The following QNG1 variants were observed in gnomAD, a reference collection of about 807,000 sequenced individuals.
The protein encoded by QNG1 is queuosine 5'-phosphate N-glycosylase/hydrolase.
chr9:83,953,774 T>TC, the QNG1 span: 33 of 1,545,316 alleles, frequency 2.1e-5, no homozygotes, highest in East Asian at 8.1e-4. Context: ...TCCAAAAGAA[T>TC]TTTACAAAAA....
chr9:83,946,500 G>C, the QNG1 span, among the ~76,000 whole-genome samples: 1 of 152,090 alleles, frequency 6.6e-6, no homozygotes. Flanking sequence ...GCTCAAAGTT[G>C]ATATGTAAGT....
chr9:83,949,703 AT>A, the QNG1 span, among the ~76,000 whole-genome samples: 1 of 152,074 alleles, frequency 6.6e-6, no homozygotes, highest in South Asian at 2.1e-4. Context: ...GACTTAACTT[AT>A]AAAAATGTCT....
chr9:83,955,879 C>A, the QNG1 span, among the ~76,000 whole-genome samples: 1 of 152,184 alleles, frequency 6.6e-6, no homozygotes, highest in African/African-American at 2.4e-5. Context: ...TGCTTTATAA[C>A]ATCGGTCCTT....
At chr9:83,939,361 T>G in the QNG1 span, 2 of 626,170 alleles carry the variant, frequency 3.2e-6, no homozygotes, top group Non-Finnish European at 5.6e-6. Flanking sequence ...CATAAACCAC[T>G]GTGCCCGGCC....
the QNG1 span, among the ~76,000 whole-genome samples, chr9:83,947,670 C>T: frequency 6.6e-6 from 1 of 152,160 alleles, no homozygotes; most frequent in Non-Finnish European, 1.5e-5. Flanking sequence ...CTCGCCGCCA[C>T]GCCTGACTGG....
the QNG1 span, among the ~76,000 whole-genome samples, chr9:83,943,331 C>CAAAAAAAAAAA: frequency 9.6e-5 from 6 of 62,522 alleles, no homozygotes; most frequent in African/African-American, 1.5e-4. Flanking sequence ...CAGAGCGTCT[C>CAAAAAAAAAAA]AAAAAAAAAA....
At chr9:83,944,917 C>T in the QNG1 span, 1 of 1,614,058 alleles carries the variant, frequency 6.2e-7, no homozygotes, top group Non-Finnish European at 8.5e-7. Flanking sequence ...CAGCCATCTC[C>T]TTTTCCTTCC....
chr9:83,955,739 TG>T, the QNG1 span: 2 of 1,168,658 alleles, frequency 1.7e-6, no homozygotes, highest in Non-Finnish European at 2.5e-6. Context: ...ACCAAATGAG[TG>T]GTATAGGAAT....
the QNG1 span, chr9:83,955,697 C>T: frequency 1.3e-6 from 2 of 1,519,540 alleles, no homozygotes; most frequent in Non-Finnish European, 1.8e-6. Flanking sequence ...ATGCATTAAA[C>T]CCTTGCTTTT....
At chr9:83,946,649 G>A in the QNG1 span, among the ~76,000 whole-genome samples, 1 of 152,174 alleles carries the variant, frequency 6.6e-6, no homozygotes, top group Non-Finnish European at 1.5e-5. Flanking sequence ...CAATTTGGGA[G>A]GCCAAAGCCA....
the QNG1 span, chr9:83,956,046 T>G: frequency 1.0e-6 from 1 of 976,636 alleles, no homozygotes; most frequent in Non-Finnish European, 1.5e-6. Flanking sequence ...GCAACGAACT[T>G]CAGGTTCGCT....
At chr9:83,954,510 A>G in the QNG1 span, among the ~76,000 whole-genome samples, 1 of 151,718 alleles carries the variant, frequency 6.6e-6, no homozygotes, top group Non-Finnish European at 1.5e-5. Context: ...TGAACCCGGG[A>G]GGCGGAGGTT....
chr9:83,950,737 C>T, the QNG1 span, among the ~76,000 whole-genome samples: 2 of 151,556 alleles, frequency 1.3e-5, no homozygotes, highest in Non-Finnish European at 2.9e-5. Flanking sequence ...ATAGCTGGGA[C>T]TATAGGTGTT....
At chr9:83,938,382 T>C in the QNG1 span, 1 of 152,056 alleles carries the variant, frequency 6.6e-6, no homozygotes, top group South Asian at 2.1e-4. Context: ...TAGACAGATA[T>C]CCTAAATTGA....
At chr9:83,956,647 C>A in the QNG1 span, 1 of 618,936 alleles carries the variant, frequency 1.6e-6, no homozygotes, top group Non-Finnish European at 2.6e-6. Flanking sequence ...GAACTTAGTG[C>A]AGCCAAGGTA....
the QNG1 span, chr9:83,955,487 C>T: frequency 3.1e-6 from 5 of 1,614,058 alleles, no homozygotes; most frequent in Non-Finnish European, 3.4e-6. Flanking sequence ...AAAAGAGCCT[C>T]CAAACTTCTC....
the QNG1 span, among the ~76,000 whole-genome samples, chr9:83,942,647 A>G: frequency 2.0e-5 from 3 of 152,366 alleles, no homozygotes; most frequent in Middle Eastern, 6.8e-3. Flanking sequence ...TGTTTGTTAC[A>G]TTACATTTAC....
the QNG1 span, among the ~76,000 whole-genome samples, chr9:83,943,806 G>C: frequency 3.3e-5 from 5 of 150,748 alleles, no homozygotes; most frequent in African/African-American, 1.2e-4. Flanking sequence ...TGGATCACAA[G>C]GTCAGGAGAT....
the QNG1 span, among the ~76,000 whole-genome samples, chr9:83,954,468 G>A: frequency 4.6e-5 from 7 of 152,076 alleles, no homozygotes; most frequent in African/African-American, 1.4e-4. Flanking sequence ...TGTAGTCCCA[G>A]CTACTCAGGA....
Sources: gnomAD v4.1 joint callset for allele counts (sites outside exome capture counted in the v4.1 genomes callset) on GRCh38, gnomAD v4.1.1 for gene constraint, MANE v1.5 for transcripts, NCBI Gene and HGNC (gene_info 2026-07-23, HGNC 2026-07-21) for gene names.